Variants in PPFIA3 observed in about 807,000 individuals in gnomAD.
PPFIA3 encodes PPFI scaffold protein A3, also known as liprin-alpha-3.
In PPFIA3, 26 loss-of-function variants were observed where a neutral mutation model predicts 145.8. The ratio of observed to expected loss-of-function variants is 0.18; its 90% CI spans 0.13 to 0.25. PPFIA3 has a LOEUF of 0.25. Among genes scored for constraint, PPFIA3 ranks in the 10% least tolerant of loss-of-function variants. PPFIA3 has a pLI of 1.00. For missense variants in PPFIA3, 1,008 were observed against 1,587.8 expected (o/e 0.63, Z 6.21); for synonymous variants, 645 against 661.4 (o/e 0.98, Z 0.38).
chr19:49,125,188 C>T (rs565694719), intron 1 of PPFIA3, among the ~76,000 whole-genome samples: 393 of 152,316 alleles, frequency 2.6e-3, no homozygotes, highest in Non-Finnish European at 4.3e-3. Context: ...TCAGATGCAC[C>T]ACTTCAAACA....
Position 49,133,322 on chromosome 19 carries a change from T to C in PPFIA3, c.1112T>C (p.Leu371Ser). 1 of 1,609,934 alleles carries C rather than the reference T, an allele frequency of 6.2e-7. No individual in the cohort carries two copies. The highest frequency in any genetic ancestry group is 8.5e-7 in the Non-Finnish European group (1 of 1,178,870). Residue 371 changes from leucine (L) to serine (S), a missense_variant, in exon 9 of 30, where the codon TTG (leucine) becomes TCG (serine). Transcript: ENST00000334186. The surrounding 1 kb of genome is among the most constrained non-coding windows in gnomAD (Gnocchi z 7.2). The part of the protein sequence containing the change: ...LQQTLQKAET[L>S]PEIEAQLAQR... ...CAGACGCTGCAGAAAGCGGAGACCT[T>C]GCCCGAGATAGAGGCGCAGCTGGCG...
intron 5 of PPFIA3, 135 bp downstream of exon 5, chr19:49,129,589 G>A: frequency 1.1e-6 from 1 of 933,140 alleles, no homozygotes; most frequent in South Asian, 1.6e-5. Context: ...CTATGGGGTT[G>A]GACTATGGAG....
Position 49,128,964 on chromosome 19 carries a change from C to G in PPFIA3, c.459C>G (p.Leu153=). 6.2e-7 allele frequency: 1 copy of G among 1,613,290 alleles called. No individual in the cohort carries two copies. Among genetic ancestry groups the G allele is most frequent in the Non-Finnish European group, 8.5e-7 (1 of 1,179,712 alleles). Residue 153 remains leucine (L), a synonymous_variant, in exon 4 of 30, where the codon CTC becomes CTG. Coordinates refer to ENST00000334186, the MANE Select transcript of PPFIA3 (RefSeq NM_003660.4). The surrounding 1 kb of genome is among the most constrained non-coding windows in gnomAD (Gnocchi z 4.1). ...GGGTCTCCTCGGAGGTAGAAGTGCT[C>G]AAAGCTCTAAAGTCTCTCTTCGAGC... is the stretch of plus-strand genomic sequence containing the variant. ...PGGVSSEVEV[L]KALKSLFEHH... is the part of the protein sequence containing the mutation.
chr19:49,150,310 G>C lies in PPFIA3; in HGVS notation c.*88G>C, dbSNP rs2041332663. 1 of 722,446 alleles carries C rather than the reference G, an allele frequency of 1.4e-6. No individual in the cohort carries two copies. Among genetic ancestry groups the C allele is most frequent in the South Asian group, 1.9e-5 (1 of 52,140 alleles). The allele number at this position is 722,446 out of a possible 1,614,324, so 44.8% of individuals were successfully genotyped here. ...TCCTGCCCGGACTGTGGCCTCGCCG[G>C]GGAGAGCGGGCGGGGGAGCTCGCGC... On this transcript the variant is annotated 3_prime_UTR_variant, in exon 30 of 30. Transcript: ENST00000334186.
Position 49,138,402 on chromosome 19 carries a change from C to A in PPFIA3, c.2051C>A (p.Pro684His). The A allele has an allele frequency of 6.4e-7, 1 of 1,567,144 alleles. No individual in the cohort carries two copies. Among genetic ancestry groups the A allele is most frequent in the Non-Finnish European group, 8.7e-7 (1 of 1,154,706 alleles). Residue 684 changes from proline (P) to histidine (H), a missense_variant, in exon 16 of 30, where the codon CCT becomes CAT. By Grantham distance (77) the Pro-to-His change is moderately conservative. This residue lies in a region of PPFIA3 where 202 missense variants were observed against 241.8 expected (regional missense o/e 0.84). Transcript: ENST00000334186. Reference protein sequence around the residue: ...HSTPRLAPPSPAREGTDKANH... With the variant: ...HSTPRLAPPSHAREGTDKANH... Reference sequence around the variant, plus strand: ...ACACCCCGCCTGGCACCCCCTAGCCCTGCCCGTGAGGGCACCGACAAGGCT... The same window carrying A: ...ACACCCCGCCTGGCACCCCCTAGCCATGCCCGTGAGGGCACCGACAAGGCT...
Position 49,129,302 on chromosome 19 carries a change from G to T in PPFIA3, c.508-78G>T, listed in dbSNP as rs910970933. 4.1e-6 allele frequency: 6 copies of T among 1,454,360 alleles called. No homozygotes were observed. The African/African-American group carries it at 8.4e-5, about 20-fold the overall frequency. 90.1% of individuals were successfully genotyped at this position (1,454,360 alleles called of 1,614,324 possible). A position where few individuals can be genotyped will look rare whatever the true frequency, so the allele number is the denominator to read the frequency against. ...ACGCTGCCCTATCGGATCCGTCCCA[G>T]GGGTGTTCTGGACCAGGGGCAACTG... is the stretch of plus-strand genomic sequence containing the variant. On this transcript the variant is annotated intron_variant, in intron 4 of 29. Transcript: ENST00000334186.
At chr19:49,135,293 C>T (rs762446952) in intron 13 of PPFIA3, among the ~76,000 whole-genome samples, 1 of 152,144 alleles carries the variant, frequency 6.6e-6, no homozygotes, top group Non-Finnish European at 1.5e-5. Context: ...CCTCCCCCCT[C>T]GGCCTCCCAA....
At position 49,122,524 on chromosome 19, in the gene PPFIA3, C is replaced by G. The variant is rs180978071; in HGVS notation, c.-16+2802C>G. ...TCAAGTGTGTTCCAGGTTTCAGCCA[C>G]GTTGTTCTAGATTCCATTCTCTTCC... On this transcript the variant is annotated intron_variant, in intron 1 of 29. Transcript: ENST00000334186. Among the ~76,000 whole-genome samples the G allele has an allele frequency of 3.3e-5, 5 of 152,290 alleles. No homozygotes were observed. The South Asian group carries it at 8.3e-4, about 25-fold the overall frequency.
At position 49,150,164 on chromosome 19, in the gene PPFIA3, C is replaced by G. The variant is rs1300091765; in HGVS notation, c.*13+13C>G. On this transcript the variant is annotated intron_variant, in intron 29 of 29. Transcript: ENST00000334186. The stretch of plus-strand genomic sequence containing the variant: ...TGCAGGCCTCCAGGTGAGGACCGTG[C>G]TGGGCGACCTTGGGGGTGCGGGGCG... The G allele has an allele frequency of 2.5e-6, 4 of 1,599,364 alleles. No homozygotes were observed. The South Asian group carries it at 3.4e-5, about 14-fold the overall frequency.
chr19:49,135,999 G>A, intron 14 of PPFIA3, 76 bp downstream of exon 14: 1 of 1,410,348 alleles, frequency 7.1e-7, no homozygotes, highest in Non-Finnish European at 9.3e-7. Flanking sequence ...TAAATCTGTG[G>A]GGCTCCGGGA....
At chr19:49,138,909 T>C (rs951983130) in intron 16 of PPFIA3, among the ~76,000 whole-genome samples, 1 of 152,030 alleles carries the variant, frequency 6.6e-6, no homozygotes, top group Non-Finnish European at 1.5e-5. Flanking sequence ...AGGCAGAGTT[T>C]GCAGTGAGTT....
chr19:49,129,952 C>T, intron 5 of PPFIA3, 41 bp from the exon 6 acceptor site: 2 of 1,600,718 alleles, frequency 1.2e-6, no homozygotes, highest in Non-Finnish European at 1.7e-6. Flanking sequence ...GCTGGGGGTT[C>T]AGGGAGCCCC....
chr19:49,139,811 TG>T lies in PPFIA3; in HGVS notation c.2225del (p.Gly742AspfsTer26). 1 of 1,611,374 alleles carries T rather than the reference TG, an allele frequency of 6.2e-7. No homozygotes were observed. Reference protein sequence around the residue: ...LALQAGSLEDGGPPRGSEGTP... With the variant: ...LALQAGSLEDXGPPRGSEGTP... ...CACTGCAGGCGGGGTCCCTGGAAGA[TG>T]GGGGACCCCCACGGGGAAGGTCAGC... is the stretch of plus-strand genomic sequence containing the variant. On this transcript the variant is annotated frameshift_variant, in exon 17 of 30. Transcript: ENST00000334186. LOFTEE classifies it high-confidence loss of function.
chr19:49,123,094 TCTCAGCTCACTGCAAC>T (rs2040956803), intron 1 of PPFIA3, among the ~76,000 whole-genome samples: 1 of 150,886 alleles, frequency 6.6e-6, no homozygotes, highest in Non-Finnish European at 1.5e-5. Context: ...AGTGGTATGA[TCTCAGCTCACTGCAAC>T]CTCTGCCTCC....
chr19:49,149,758 C>A lies in PPFIA3; in HGVS notation c.3526+40C>A. The A allele has an allele frequency of 6.4e-7, 1 of 1,569,284 alleles. No homozygotes were observed. Among genetic ancestry groups the A allele is most frequent in the South Asian group, 1.2e-5 (1 of 82,716 alleles). On this transcript the variant is annotated intron_variant, in intron 28 of 29. Transcript: ENST00000334186. This position sits in a 1 kb window ranked among gnomAD's most constrained non-coding sequence, Gnocchi z 5.7. ...AATGCGACAGCCCTTCCTCGCTTCC[C>A]TAGGGTGGGGCATGGACCACCTCAG...
chr19:49,148,205 C>T lies in PPFIA3; in HGVS notation c.2958C>T (p.His986=). ...ESLVDARMLD[H]LNKKELRGQL... ...TGGTGGACGCTCGAATGTTAGATCA[C>T]CTTAACAAGAAGGAGCTCCGGGGCC... Residue 986 remains histidine (H), a synonymous_variant, in exon 24 of 30, where the codon CAC becomes CAT. Transcript: ENST00000334186. The T allele has an allele frequency of 6.2e-7, 1 of 1,614,234 alleles. No individual in the cohort carries two copies. Among genetic ancestry groups the T allele is most frequent in the East Asian group, 2.2e-5 (1 of 44,884 alleles).
Position 49,128,476 on chromosome 19 carries a change from G to C in PPFIA3, c.342+8G>C. On this transcript the variant is annotated splice_region_variant and intron_variant, in intron 3 of 29. Coordinates refer to ENST00000334186, the MANE Select transcript of PPFIA3 (RefSeq NM_003660.4). The surrounding 1 kb of genome is among the most constrained non-coding windows in gnomAD (Gnocchi z 4.1). Reference sequence around the variant, plus strand: ...GAACGGAACAACACGCGGGTGAGGGGTGTTGAGGGCGGGGCCTAAGTGGGG... The same window carrying C: ...GAACGGAACAACACGCGGGTGAGGGCTGTTGAGGGCGGGGCCTAAGTGGGG... 6.2e-7 allele frequency: 1 copy of C among 1,608,516 alleles called. No homozygotes were observed. The highest frequency in any genetic ancestry group is 1.1e-5 in the South Asian group (1 of 90,918).
intron 21 of PPFIA3, among the ~76,000 whole-genome samples, chr19:49,143,375 T>C (rs2041246758): frequency 6.6e-6 from 1 of 152,278 alleles, no homozygotes; most frequent in Non-Finnish European, 1.5e-5. Flanking sequence ...TTATCTTTTC[T>C]TTCCTTTTTT....
At chr19:49,121,302 T>C (rs941413456) in intron 1 of PPFIA3, among the ~76,000 whole-genome samples, 6 of 151,856 alleles carry the variant, frequency 4.0e-5, no homozygotes, top group Non-Finnish European at 8.8e-5. Context: ...TACAAATTTC[T>C]TTCTTTCTAT....
Sources: allele counts gnomAD v4.1 joint callset (sites outside exome capture counted in the v4.1 genomes callset), GRCh38; gene constraint gnomAD v4.1.1; regional missense constraint gnomAD v4.1.1; non-coding constraint Gnocchi (gnomAD v3.1); transcripts MANE v1.5; gene names NCBI Gene and HGNC (gene_info 2026-07-23, HGNC 2026-07-21).